Variants in NALF1 observed in about 807,000 individuals in gnomAD.
NALF1 encodes the protein NALCN channel auxiliary factor 1.
Under a neutral mutation model 48.4 loss-of-function variants are expected in NALF1, and 3 were observed. That is an observed-to-expected ratio of 0.06 (90% CI 0.03 to 0.16). NALF1 has a LOEUF of 0.16. Ranked by LOEUF, NALF1 falls within the 10% of genes least tolerant of loss-of-function variation. The probability of loss-of-function intolerance (pLI) is 1.00; values close to 1 mark genes in which losing one functional copy is unlikely to be tolerated. For synonymous variants in NALF1, 262 were observed against 245.7 expected (o/e 1.07, Z -0.62); for missense variants, 526 against 571.5 (o/e 0.92, Z 0.81).
rs184228517 is a variant in NALF1, at chr13:107,735,900, G to T, written c.915+129782C>A. ...AGTCTTACTAAAGAATGAGAATTGT[G>T]CATTCTTGAGCTTCTAACTATTTTT... On this transcript the variant is annotated intron_variant, in intron 1 of 2. Coordinates refer to ENST00000375915, the MANE Select transcript of NALF1 (RefSeq NM_001080396.3). 8.8e-4 allele frequency among the ~76,000 whole-genome samples: 134 copies of T among 152,212 alleles called. 1 individual carries two copies. In the Middle Eastern group the frequency reaches 0.01, roughly 12 times the overall value.
rs1304200350 is a variant in NALF1, at chr13:107,169,325, G to A, written c.*1172C>T. 2.0e-5 allele frequency: 3 copies of A among 152,216 alleles called. No homozygotes were observed. The highest frequency in any genetic ancestry group is 7.2e-5 in the African/African-American group (3 of 41,448). The allele number at this position is 152,216 out of a possible 1,614,324, so 9.4% of individuals were successfully genotyped here. On this transcript the variant is annotated 3_prime_UTR_variant, in exon 3 of 3. Transcript: ENST00000375915. ...TAGGGAAATACTGGAATAAAATTGTGTATATTCTGTATATTGCAGGTGTTT... is the reference window on the plus strand; with the variant it reads ...TAGGGAAATACTGGAATAAAATTGTATATATTCTGTATATTGCAGGTGTTT...
chr13:107,323,542 A>C (rs1882295884), intron 1 of NALF1, among the ~76,000 whole-genome samples: 1 of 152,050 alleles, frequency 6.6e-6, no homozygotes, highest in South Asian at 2.1e-4. Flanking sequence ...TAAAAACACA[A>C]ATCTGATCAA....
intron 2 of NALF1, among the ~76,000 whole-genome samples, chr13:107,175,089 T>C (rs2769910): frequency 0.64 from 64,906 of 101,140 alleles, 20,995 homozygotes; most frequent in African/African-American, 0.75. Context: ...CGGGGTTTCA[T>C]CGTGTTAGCC....
chr13:107,486,349 CT>C (rs1321677863), intron 1 of NALF1, among the ~76,000 whole-genome samples: 4 of 152,142 alleles, frequency 2.6e-5, no homozygotes, highest in Non-Finnish European at 2.9e-5. Context: ...AAGACCTTCA[CT>C]TTTTAGCTGA....
At chr13:107,732,890 T>C (rs1254798817) in intron 1 of NALF1, among the ~76,000 whole-genome samples, 1 of 152,156 alleles carries the variant, frequency 6.6e-6, no homozygotes, top group East Asian at 1.9e-4. Context: ...ATGGACAAAC[T>C]TTCTACCCGT....
chr13:107,168,578 A>C lies in NALF1; in HGVS notation c.*1919T>G. 6.6e-6 allele frequency: 1 copy of C among 152,472 alleles called. No homozygotes were observed. Among genetic ancestry groups the C allele is most frequent in the South Asian group, 2.1e-4 (1 of 4,832 alleles). The allele number at this position is 152,472 out of a possible 1,614,324, so 9.4% of individuals were successfully genotyped here. On this transcript the variant is annotated 3_prime_UTR_variant, in exon 3 of 3. Transcript: ENST00000375915. ...TTTTTGTATTTGCGCAGACCATTTT[A>C]AGATTTTCAGTCTCAACAAAACACT...
At chr13:107,180,917 A>G (rs1266980799) in intron 2 of NALF1, among the ~76,000 whole-genome samples, 1 of 151,664 alleles carries the variant, frequency 6.6e-6, no homozygotes, top group Non-Finnish European at 1.5e-5. Context: ...AATTTCTTTC[A>G]TGTTTATTTA....
chr13:107,858,191 A>G (rs1039776058), intron 1 of NALF1, among the ~76,000 whole-genome samples: 14 of 152,310 alleles, frequency 9.2e-5, no homozygotes, highest in African/African-American at 3.4e-4. Context: ...TTTGCTTGCT[A>G]TATCATCGAA....
intron 1 of NALF1, among the ~76,000 whole-genome samples, chr13:107,563,296 A>G (rs1296993567): frequency 6.6e-6 from 1 of 152,210 alleles, no homozygotes; most frequent in Non-Finnish European, 1.5e-5. Flanking sequence ...CCTTAAAAAC[A>G]GGCCAGAGCA....
At chr13:107,673,736 C>T (rs1881044220) in intron 1 of NALF1, among the ~76,000 whole-genome samples, 2 of 152,052 alleles carry the variant, frequency 1.3e-5, no homozygotes, top group South Asian at 4.2e-4. Flanking sequence ...GTTAATTGCT[C>T]TGATGTGATC....
chr13:107,806,341 G>A (rs532276726), intron 1 of NALF1, among the ~76,000 whole-genome samples: 5 of 151,884 alleles, frequency 3.3e-5, no homozygotes, highest in South Asian at 4.2e-4. Flanking sequence ...ATTAAAAGAC[G>A]GAAATGTTAA....
chr13:107,632,897 A>G (rs1395745864), intron 1 of NALF1, among the ~76,000 whole-genome samples: 1 of 136,688 alleles, frequency 7.3e-6, no homozygotes, highest in Non-Finnish European at 1.6e-5. Context: ...AAATTTTTAT[A>G]ACAAGCCTCA....
chr13:107,386,970 G>A (rs1156513308), intron 1 of NALF1, among the ~76,000 whole-genome samples: 1 of 152,120 alleles, frequency 6.6e-6, no homozygotes, highest in Non-Finnish European at 1.5e-5. Flanking sequence ...TATTTTCTGA[G>A]TCTGGAAAGA....
At chr13:107,710,587 A>G (rs1875542715) in intron 1 of NALF1, among the ~76,000 whole-genome samples, 1 of 152,074 alleles carries the variant, frequency 6.6e-6, no homozygotes, top group Non-Finnish European at 1.5e-5. Context: ...GCATCAGGAG[A>G]GAGAGTGAGA....
intron 1 of NALF1, among the ~76,000 whole-genome samples, chr13:107,467,500 C>T (rs1054702029): frequency 6.6e-6 from 1 of 152,148 alleles, no homozygotes; most frequent in Non-Finnish European, 1.5e-5. Context: ...GGGATAGCAG[C>T]ATATTCAATC....
intron 1 of NALF1, among the ~76,000 whole-genome samples, chr13:107,703,111 A>G (rs1001403898): frequency 6.6e-6 from 1 of 152,130 alleles, no homozygotes; most frequent in African/African-American, 2.4e-5. Context: ...GAAATGTTCT[A>G]CTAGTTTTCT....
chr13:107,345,613 C>A (rs1436207772), intron 1 of NALF1, among the ~76,000 whole-genome samples: 1 of 152,158 alleles, frequency 6.6e-6, no homozygotes, highest in Admixed American at 6.5e-5. Context: ...GAACCCTTAT[C>A]TTACACCATA....
chr13:107,444,517 C>T (rs1363689950), intron 1 of NALF1, among the ~76,000 whole-genome samples: 2 of 152,016 alleles, frequency 1.3e-5, no homozygotes, highest in African/African-American at 2.4e-5. Flanking sequence ...TGGAATAATG[C>T]AAAAAATCTG....
intron 1 of NALF1, among the ~76,000 whole-genome samples, chr13:107,618,685 T>A (rs1030053046): frequency 1.3e-5 from 2 of 151,918 alleles, no homozygotes; most frequent in Admixed American, 6.6e-5. Flanking sequence ...GTGTCAGGGA[T>A]AGGATGGAGA....
Sources: gnomAD v4.1 joint callset for allele counts (sites outside exome capture counted in the v4.1 genomes callset) on GRCh38, gnomAD v4.1.1 for gene constraint, MANE v1.5 for transcripts, NCBI Gene and HGNC (gene_info 2026-07-23, HGNC 2026-07-21) for gene names.